The following ATRX variants were observed in gnomAD, a reference collection of about 807,000 sequenced individuals.
The protein encoded by ATRX is ATRX chromatin remodeler, also known as chromatin remodeler ATRX.
A neutral mutation model predicts 172.6 loss-of-function variants in ATRX; 12 were observed. The ratio of observed to expected loss-of-function variants is 0.07; its 90% confidence interval spans 0.04 to 0.11. The LOEUF (loss-of-function observed/expected upper bound fraction) is 0.11. Ranked by LOEUF, ATRX falls within the 10% of genes least tolerant of loss-of-function variation. The pLI, the probability that ATRX is intolerant of heterozygous loss-of-function variation, is 1.00. For synonymous variants in ATRX, 674 were observed against 594.7 expected (o/e 1.13, Z -1.94); for missense variants, 1,368 against 1,767.4 (o/e 0.77, Z 4.05).
At chrX:77,686,077 G>A (rs932925208) in intron 7 of ATRX, among the ~76,000 whole-genome samples, 12 of 111,839 alleles carry the variant, frequency 1.1e-4, no homozygotes, top group Admixed American at 1.0e-3. Context: ...GGGATAGGGA[G>A]GAGGTGGGGA....
intron 22 of ATRX, among the ~76,000 whole-genome samples, chrX:77,615,740 G>A (rs1227833126): frequency 2.7e-5 from 3 of 111,017 alleles, no homozygotes; most frequent in Non-Finnish European, 5.7e-5. Context: ...TTACTCTCTA[G>A]GATGCACTGC....
chrX:77,558,634 A>G (rs782283986), intron 29 of ATRX, 35 bp downstream of exon 29: 34 of 1,099,573 alleles, frequency 3.1e-5, no homozygotes, highest in Non-Finnish European at 4.1e-5. Flanking sequence ...GTTTCACATA[A>G]ACTTTCAATA....
At chrX:77,671,167 A>AATATATATATATATATAT (rs3063061) in intron 10 of ATRX, among the ~76,000 whole-genome samples, 5 of 15,735 alleles carry the variant, frequency 3.2e-4, no homozygotes, top group African/African-American at 6.4e-4. Flanking sequence ...AAAAAAAAAA[A>AATATATATATATATATAT]ATATATATAT....
At chrX:77,593,586 A>T in intron 26 of ATRX, 110 bp downstream of exon 26, 1 of 854,574 alleles carries the variant, frequency 1.2e-6, no homozygotes, top group Non-Finnish European at 1.7e-6. Flanking sequence ...CAAATAAATC[A>T]CATCTTTAGG....
intron 9 of ATRX, among the ~76,000 whole-genome samples, chrX:77,678,787 C>A (rs1268299250): frequency 9.0e-6 from 1 of 110,913 alleles, no homozygotes; most frequent in African/African-American, 3.3e-5. Flanking sequence ...AGTTTTATAT[C>A]TTTCTTCTGT....
At chrX:77,741,401 T>C (rs1441721986) in intron 1 of ATRX, among the ~76,000 whole-genome samples, 1 of 108,965 alleles carries the variant, frequency 9.2e-6, no homozygotes, top group East Asian at 2.9e-4. Context: ...CCATTCTGAG[T>C]TGTCTTTCTT....
intron 19 of ATRX, among the ~76,000 whole-genome samples, chrX:77,629,796 A>G (rs377221276): frequency 2.1e-4 from 24 of 112,214 alleles, no homozygotes; most frequent in African/African-American, 7.8e-4. Context: ...GATCAAAAAC[A>G]TGACAACCAA....
At chrX:77,532,295 A>G (rs782128421) in intron 30 of ATRX, among the ~76,000 whole-genome samples, 1 of 111,900 alleles carries the variant, frequency 8.9e-6, no homozygotes, top group East Asian at 2.8e-4. Flanking sequence ...ACTATTTGAA[A>G]ATTCATATGG....
In ATRX at chrX:77,507,446, A is replaced by C. The variant is rs184866222; in HGVS notation, c.*905T>G. 5.8e-6 allele frequency: 1 copy of C among 172,733 alleles called. No individual in the cohort carries two copies. Among genetic ancestry groups the C allele is most frequent in the Admixed American group, 8.0e-5 (1 of 12,545 alleles). The allele number at this position is 172,733 out of a possible 1,213,427, so 14.2% of individuals were successfully genotyped here. ...ACCACAACTTCAGTGTTAACCTACT[A>C]AAATGCTAGAACTTGATTTTCTAAG... On this transcript the variant is annotated 3_prime_UTR_variant, in exon 35 of 35. Coordinates refer to ENST00000373344, the MANE Select transcript of ATRX (RefSeq NM_000489.6).
chrX:77,630,175 A>T (rs1437846883), intron 19 of ATRX, among the ~76,000 whole-genome samples: 4 of 112,197 alleles, frequency 3.6e-5, no homozygotes, highest in African/African-American at 1.3e-4. Flanking sequence ...TAAGAAAATA[A>T]GTCCAAGACT....
intron 2 of ATRX, among the ~76,000 whole-genome samples, chrX:77,703,030 G>A (rs2072617845): frequency 8.9e-6 from 1 of 112,413 alleles, no homozygotes; most frequent in Non-Finnish European, 1.9e-5. Flanking sequence ...CCTCGCCAGT[G>A]ATAAAACATT....
intron 15 of ATRX, among the ~76,000 whole-genome samples, chrX:77,637,117 G>A (rs941086631): frequency 2.7e-5 from 3 of 111,542 alleles, no homozygotes; most frequent in East Asian, 2.8e-4. Context: ...AGAACTGTGC[G>A]ACTCAGGATG....
At chrX:77,710,027 G>A (rs928690972) in intron 2 of ATRX, among the ~76,000 whole-genome samples, 11 of 110,153 alleles carry the variant, frequency 1.0e-4, no homozygotes, top group South Asian at 3.8e-4. Flanking sequence ...GGCCAGGCGC[G>A]GTGGCTCACA....
intron 2 of ATRX, among the ~76,000 whole-genome samples, chrX:77,716,295 T>C (rs1304322337): frequency 2.3e-5 from 1 of 43,174 alleles, no homozygotes; most frequent in African/African-American, 8.8e-5. Context: ...CAAGACCTCG[T>C]CTCTTTAAAA....
chrX:77,665,406 C>T (rs1443107024), intron 10 of ATRX, among the ~76,000 whole-genome samples: 1 of 111,332 alleles, frequency 9.0e-6, no homozygotes, highest in South Asian at 3.7e-4. Context: ...AAAGAAGGGA[C>T]ATGAGTGCTA....
intron 30 of ATRX, among the ~76,000 whole-genome samples, chrX:77,533,646 G>C (rs782717580): frequency 9.0e-6 from 1 of 111,043 alleles, no homozygotes; most frequent in Non-Finnish European, 1.9e-5. Context: ...TTGGGGGAGG[G>C]AGTGCATCAG....
chrX:77,728,617 G>T (rs2086371054), intron 1 of ATRX, among the ~76,000 whole-genome samples: 2 of 111,026 alleles, frequency 1.8e-5, no homozygotes, highest in Admixed American at 1.9e-4. Flanking sequence ...AAGTTTCCAT[G>T]AAATAGACAC....
chrX:77,622,301 T>C (rs2067625834), intron 19 of ATRX, among the ~76,000 whole-genome samples: 2 of 111,370 alleles, frequency 1.8e-5, no homozygotes, highest in Non-Finnish European at 3.8e-5. Context: ...GCTTAAACCA[T>C]GGGATAATGG....
rs1980562080 is a variant in ATRX at position 77,682,548 on chromosome X, T to C, written c.2708A>G (p.Glu903Gly). The C allele has an allele frequency of 8.3e-7, 1 of 1,209,580 alleles. No homozygotes were observed. Among genetic ancestry groups the C allele is most frequent in the South Asian group, 1.8e-5 (1 of 56,808 alleles). ...CTTCTTAGGAAGTCGATCTCTTAAT[T>C]CCATGATGGTCGTGTCTTTATCAAC... is the stretch of plus-strand genomic sequence containing the variant. ...GTVDKDTTIM[E>G]LRDRLPKKQQ... The change falls in exon 9 of 35, where the codon GAA becomes GGA. Residue 903 changes from glutamate to glycine, a missense_variant. Around this residue, in one of 17 missense-constraint regions of ATRX, gnomAD observed 843 missense variants for 643.1 expected, o/e 1.31. Coordinates refer to ENST00000373344, the MANE Select transcript of ATRX (RefSeq NM_000489.6).
Sources: allele counts gnomAD v4.1 joint callset (sites outside exome capture counted in the v4.1 genomes callset), GRCh38; gene constraint gnomAD v4.1.1; regional missense constraint gnomAD v4.1.1; transcripts MANE v1.5; gene names NCBI Gene and HGNC (gene_info 2026-07-23, HGNC 2026-07-21).